SNTB2: variants seen among roughly 807,000 people sequenced by gnomAD.
SNTB2 encodes the protein syntrophin beta 2.
SNTB2 carries 34 observed loss-of-function variants against 46.2 expected under a neutral mutation model. The ratio of observed to expected loss-of-function variants is 0.74; its 90% CI spans 0.56 to 0.98. The LOEUF is 0.98. Ranked by LOEUF, SNTB2 falls within the 50% of genes least tolerant of loss-of-function variation. The pLI is 0.00. For synonymous variants in SNTB2, 290 were observed against 312.6 expected, an observed-to-expected ratio of 0.93 and a Z score of 0.76; for missense variants, 603 against 731.4, an observed-to-expected ratio of 0.82 and a Z score of 2.02.
chr16:69,198,771 T>C (rs1964131388), intron 1 of SNTB2, among the ~76,000 whole-genome samples: 1 of 152,176 alleles, frequency 6.6e-6, no homozygotes, highest in Admixed American at 6.5e-5. Flanking sequence ...GTTTCTTACC[T>C]ATTAAAAATA....
intron 1 of SNTB2, among the ~76,000 whole-genome samples, chr16:69,214,439 C>T (rs887431100): frequency 5.9e-5 from 9 of 151,634 alleles, no homozygotes; most frequent in African/African-American, 2.2e-4. Context: ...TGACCCACTG[C>T]ACCTGGTCTT....
chr16:69,274,194 C>T (rs890812511), intron 4 of SNTB2, among the ~76,000 whole-genome samples: 4 of 151,772 alleles, frequency 2.6e-5, no homozygotes, highest in Non-Finnish European at 5.9e-5. Context: ...TGCCCGTAAT[C>T]CCAGCTACTT....
At chr16:69,247,470 T>C (rs1314239003) in intron 2 of SNTB2, among the ~76,000 whole-genome samples, 7 of 152,214 alleles carry the variant, frequency 4.6e-5, no homozygotes, top group Non-Finnish European at 7.3e-5. Context: ...CTGATCTTAA[T>C]GCACAGCCAG....
chr16:69,194,773 G>T (rs889209420), intron 1 of SNTB2, among the ~76,000 whole-genome samples: 1 of 152,174 alleles, frequency 6.6e-6, no homozygotes, highest in African/African-American at 2.4e-5. Context: ...TGGACTGAAA[G>T]TGGGGGTTTC....
chr16:69,204,485 A>T (rs1413342339), intron 1 of SNTB2, among the ~76,000 whole-genome samples: 10 of 152,204 alleles, frequency 6.6e-5, no homozygotes, highest in Non-Finnish European at 1.5e-4. Context: ...AATCCCTTTT[A>T]AATACAGTAC....
chr16:69,192,075 G>A (rs1004669329), intron 1 of SNTB2, among the ~76,000 whole-genome samples: 1 of 152,242 alleles, frequency 6.6e-6, no homozygotes, highest in Non-Finnish European at 1.5e-5. Flanking sequence ...GATCCAGGAA[G>A]TGATGTGATG....
chr16:69,258,774 G>C (rs990494962), intron 2 of SNTB2, among the ~76,000 whole-genome samples: 3 of 151,762 alleles, frequency 2.0e-5, no homozygotes, highest in African/African-American at 7.3e-5. Flanking sequence ...ATCACGCCTG[G>C]CTAATTTTTG....
intron 1 of SNTB2, among the ~76,000 whole-genome samples, chr16:69,242,434 T>A (rs767007815): frequency 6.6e-6 from 1 of 151,832 alleles, no homozygotes; most frequent in Non-Finnish European, 1.5e-5. Flanking sequence ...AAAATAAAAT[T>A]AAGATAGAGT....
At chr16:69,232,025 C>T (rs1044208759) in intron 1 of SNTB2, among the ~76,000 whole-genome samples, 2 of 151,936 alleles carry the variant, frequency 1.3e-5, no homozygotes, top group African/African-American at 4.8e-5. Context: ...AGTCTAAAGC[C>T]CCAAATTATT....
chr16:69,280,601 C>A (rs1311623739), intron 4 of SNTB2, among the ~76,000 whole-genome samples: 5 of 143,638 alleles, frequency 3.5e-5, no homozygotes, highest in Non-Finnish European at 7.6e-5. Flanking sequence ...GAACCCCCCA[C>A]CTCCCTCCCG....
At chr16:69,192,719 G>T (rs1352477386) in intron 1 of SNTB2, among the ~76,000 whole-genome samples, 1 of 152,114 alleles carries the variant, frequency 6.6e-6, no homozygotes, top group African/African-American at 2.4e-5. Context: ...TGAGGAAAAT[G>T]CACTGATTCC....
At chr16:69,280,886 C>T (rs1197756283) in intron 4 of SNTB2, among the ~76,000 whole-genome samples, 20 of 151,882 alleles carry the variant, frequency 1.3e-4, no homozygotes, top group Non-Finnish European at 2.8e-4. Context: ...TAAGCTCTGC[C>T]TCCCGGGTTC....
rs77095023 is a variant in SNTB2 at position 69,287,633 on chromosome 16, AG to A, written c.1345+3391del. On this transcript the variant is annotated intron_variant, in intron 5 of 6. Coordinates refer to ENST00000336278, the MANE Select transcript of SNTB2 (RefSeq NM_006750.4). ...TCCCAGCACTTTGGGAGACTGAGGC[AG>A]GCAGATCACTTGAGGCCAGATCGAG... Among the ~76,000 whole-genome samples, 700 of 152,190 alleles carry A rather than the reference AG, an allele frequency of 4.6e-3. 32 individuals carry two copies. The South Asian group carries it at 0.091, about 20-fold the overall frequency.
intron 5 of SNTB2, among the ~76,000 whole-genome samples, chr16:69,288,587 G>GT (rs1253687122): frequency 6.6e-6 from 1 of 152,162 alleles, no homozygotes; most frequent in Non-Finnish European, 1.5e-5. Flanking sequence ...TACACTGTTG[G>GT]TGGGAATGTA....
intron 1 of SNTB2, among the ~76,000 whole-genome samples, chr16:69,221,898 G>A (rs1964408848): frequency 6.6e-6 from 1 of 152,164 alleles, no homozygotes; most frequent in South Asian, 2.1e-4. Flanking sequence ...GAAGACTCAT[G>A]GAACTCAGGT....
chr16:69,240,270 T>C (rs1232333118), intron 1 of SNTB2, among the ~76,000 whole-genome samples: 1 of 152,230 alleles, frequency 6.6e-6, no homozygotes, highest in Non-Finnish European at 1.5e-5. Context: ...TATTTTAGAA[T>C]GAAGAGGAAG....
chr16:69,264,808 A>G (rs1159184304), intron 3 of SNTB2, among the ~76,000 whole-genome samples: 6 of 152,224 alleles, frequency 3.9e-5, no homozygotes, highest in Admixed American at 3.9e-4. Context: ...ACAGCATTCC[A>G]GCAAGCCAAA....
rs547704822 is a variant in SNTB2, at chr16:69,251,159, T to C, written c.794+5344T>C. ...ACGCCCGGCTAATTTTTTGTATTTTTAGTAGAGACGGGGTTTCACCGTTTT... is the reference window on the plus strand; with the variant it reads ...ACGCCCGGCTAATTTTTTGTATTTTCAGTAGAGACGGGGTTTCACCGTTTT... On this transcript the variant is annotated intron_variant, in intron 2 of 6. Coordinates refer to ENST00000336278, the MANE Select transcript of SNTB2 (RefSeq NM_006750.4). Among the ~76,000 whole-genome samples, 4 of 151,068 alleles carry C rather than the reference T, an allele frequency of 2.6e-5. No individual in the cohort carries two copies. In the South Asian group the frequency reaches 6.3e-4, roughly 24 times the overall value.
chr16:69,265,093 C>CA (rs1271018006), intron 3 of SNTB2, among the ~76,000 whole-genome samples: 1 of 152,016 alleles, frequency 6.6e-6, no homozygotes, highest in Non-Finnish European at 1.5e-5. Flanking sequence ...ACTAAAAATA[C>CA]AAAAAATTAG....
Sources: gnomAD v4.1 joint callset for allele counts (sites outside exome capture counted in the v4.1 genomes callset) on GRCh38, gnomAD v4.1.1 for gene constraint, MANE v1.5 for transcripts, NCBI Gene and HGNC (gene_info 2026-07-23, HGNC 2026-07-21) for gene names.